The following ZNF235 variants were observed in gnomAD, a reference collection of about 807,000 sequenced individuals.
ZNF235 encodes the protein zinc finger protein 235, also known as zfp-93.
In ZNF235, 25 loss-of-function variants were observed where a neutral mutation model predicts 29.4. The observed-to-expected ratio is 0.85, with a 90% CI of 0.62 to 1.19. The LOEUF is 1.19. Ranked by LOEUF, ZNF235 falls within the 50% of genes most tolerant of loss-of-function variation. The probability of loss-of-function intolerance (pLI) is 0.00; values close to 1 mark genes in which losing one functional copy is unlikely to be tolerated. For synonymous variants in ZNF235, 300 were observed against 295.3 expected (o/e 1.02, Z -0.16); for missense variants, 788 against 885.0 (o/e 0.89, Z 1.39).
chr19:44,289,205 A>AAATTATCT lies in ZNF235; in HGVS notation c.239-10_239-9insAGATAATT. 1 of 1,602,914 alleles carries AAATTATCT rather than the reference A, an allele frequency of 6.2e-7. No individual in the cohort carries two copies. The highest frequency in any genetic ancestry group is 1.7e-5 in the Admixed American group (1 of 58,888). ...ATTTTGATTCCTGTCTCCTGAAAGG[A>AAATTATCT]TAGAGAGAATAAGGAATAAAGGACC... is the stretch of plus-strand genomic sequence containing the variant. On this transcript the variant is annotated splice_polypyrimidine_tract_variant and intron_variant, in intron 4 of 4. Transcript: ENST00000291182.
Position 44,304,989 on chromosome 19 carries a change from A to G in ZNF235, c.-67T>C. On this transcript the variant is annotated 5_prime_UTR_variant, in exon 1 of 5. Coordinates refer to ENST00000291182, the MANE Select transcript of ZNF235 (RefSeq NM_004234.4). ...GACTCACCTCCCTGGGAGATATCTC[A>G]GATCCGACCTCGCCTTCCTGGAGCG... 1 of 967,358 alleles carries G rather than the reference A, an allele frequency of 1.0e-6. No homozygotes were observed. Among genetic ancestry groups the G allele is most frequent in the Non-Finnish European group, 1.2e-6 (1 of 813,394 alleles). The allele number at this position is 967,358 out of a possible 1,614,324, so 59.9% of individuals were successfully genotyped here. A position where few individuals can be genotyped will look rare whatever the true frequency, so the allele number is the denominator to read the frequency against.
Position 44,289,076 on chromosome 19 carries a change from T to C in ZNF235, c.359A>G (p.Gln120Arg). Residue 120 changes from glutamine (Q) to arginine (R), a missense_variant, in exon 5 of 5, where the codon CAA becomes CGA. Coordinates refer to ENST00000291182, the MANE Select transcript of ZNF235 (RefSeq NM_004234.4). Reference sequence around the variant, plus strand: ...TCCTTCAATATTTATCATGGAGTCTTGACTTCTGGCTAATTTGCTCGCAAT... The same window carrying C: ...TCCTTCAATATTTATCATGGAGTCTCGACTTCTGGCTAATTTGCTCGCAAT... ...RHIASKLARS[Q>R]DSMINIEGKS... 6.2e-7 allele frequency: 1 copy of C among 1,614,136 alleles called. No homozygotes were observed. Among genetic ancestry groups the C allele is most frequent in the Non-Finnish European group, 8.5e-7 (1 of 1,179,992 alleles).
Position 44,287,873 on chromosome 19 carries a change from C to T in ZNF235, c.1562G>A (p.Gly521Glu). The change falls in exon 5 of 5, where the codon GGG becomes GAG. Residue 521 changes from glycine to glutamate, a missense_variant. Gly to Glu is a moderately conservative substitution (Grantham distance 98, BLOSUM62 -2). Transcript: ENST00000291182. ...GEKPFRCNVC[G>E]KGFSQSSYFQ... ...GTATGAACTCTGACTGAAGCCTTTC[C>T]CACACACGTTGCATCGAAATGGTTT... The T allele has an allele frequency of 6.2e-7, 1 of 1,613,958 alleles. No homozygotes were observed. Among genetic ancestry groups the T allele is most frequent in the South Asian group, 1.1e-5 (1 of 91,072 alleles).
intron 2 of ZNF235, among the ~76,000 whole-genome samples, chr19:44,302,162 G>A (rs1218407199): frequency 2.6e-5 from 4 of 152,142 alleles, no homozygotes; most frequent in Non-Finnish European, 4.4e-5. Context: ...AAAATGAGGT[G>A]CTGTGTATGA....
intron 4 of ZNF235, chr19:44,290,121 C>T (rs1401576255): frequency 1.3e-5 from 2 of 152,352 alleles, no homozygotes; most frequent in African/African-American, 2.4e-5. Context: ...GAGGGAGCAC[C>T]AGGCTTCCTT....
chr19:44,302,402 G>T (rs755847513), intron 2 of ZNF235, among the ~76,000 whole-genome samples: 1 of 152,088 alleles, frequency 6.6e-6, no homozygotes, highest in South Asian at 2.1e-4. Context: ...TAAAAAATTC[G>T]AAATTGTACC....
rs750166616 is a variant in ZNF235 at position 44,287,657 on chromosome 19, T to C, written c.1778A>G (p.His593Arg). Residue 593 changes from histidine (H) to arginine (R), a missense_variant, in exon 5 of 5, where the codon CAC (histidine) becomes CGC (arginine). His to Arg is a conservative substitution (Grantham distance 29). Transcript: ENST00000291182. The stretch of plus-strand genomic sequence containing the variant: ...ACACTTGAATGGTTTTTCCCCAGTG[T>C]GGACGCTCTGATGGGCTTGAAGATT... ...ASNLQAHQSV[H>R]TGEKPFKCDA... 6.2e-7 allele frequency: 1 copy of C among 1,613,984 alleles called. No homozygotes were observed.
chr19:44,289,312 T>C, intron 4 of ZNF235, 116 bp from the exon 5 acceptor site: 1 of 898,316 alleles, frequency 1.1e-6, no homozygotes, highest in Non-Finnish European at 1.6e-6. Context: ...ACAACTAGAC[T>C]GGCTGAAATA....
Position 44,299,691 on chromosome 19 carries a change from C to G in ZNF235, c.57G>C (p.Glu19Asp), listed in dbSNP as rs1306880027. The change falls in exon 3 of 5, where the codon GAG becomes GAC. Residue 19 changes from glutamate (E) to aspartate (D), a missense_variant. Physicochemically the swap from Glu to Asp is conservative, Grantham distance 45 (BLOSUM62 2). Transcript: ENST00000291182. ...TFKDVAVAFT[E>D]EELGLLDSAQ... ...CAGAGTCCAGCAGCCCCAGCTCCTC[C>G]TCAGTGAAGGCCACAGCCACATCCT... is the stretch of plus-strand genomic sequence containing the variant. 2 of 1,614,150 alleles carry G rather than the reference C, an allele frequency of 1.2e-6. No individual in the cohort carries two copies. The highest frequency in any genetic ancestry group is 3.3e-5 in the Admixed American group (2 of 60,024).
chr19:44,287,621 T>C lies in ZNF235; in HGVS notation c.1814A>G (p.Gln605Arg). The C allele has an allele frequency of 1.9e-6, 3 of 1,612,642 alleles. No individual in the cohort carries two copies. The change falls in exon 5 of 5, where the codon CAG becomes CGG. Residue 605 changes from glutamine to arginine, a missense_variant. Physicochemically the swap from Gln to Arg is conservative, Grantham distance 43. Transcript: ENST00000291182. ...GEKPFKCDAC[Q>R]KRFSQASHLQ... ...GTGTGAGGCCTGACTGAATCGCTTC[T>C]GACATGCATCACACTTGAATGGTTT...
At chr19:44,294,715 T>C (rs1975631002) in intron 4 of ZNF235, among the ~76,000 whole-genome samples, 1 of 149,352 alleles carries the variant, frequency 6.7e-6, no homozygotes, top group Non-Finnish European at 1.5e-5. Context: ...CCAAATCTAA[T>C]AGCACATCAA....
At position 44,298,645 on chromosome 19, in the gene ZNF235, C is replaced by A. The variant is rs77806709; in HGVS notation, c.238+163G>T. Among the ~76,000 whole-genome samples the A allele has an allele frequency of 4.7e-3, 710 of 152,308 alleles. 1 individual carries two copies. Among genetic ancestry groups the A allele is most frequent in the Non-Finnish European group, 6.8e-3 (462 of 68,022 alleles). On this transcript the variant is annotated intron_variant, in intron 4 of 4. Transcript: ENST00000291182. Reference sequence around the variant, plus strand: ...CTCCTGACCTCAAGTGATCCACCTGCCAGGCCTCCCAAAGTGCTGGGATTA... The same window carrying A: ...CTCCTGACCTCAAGTGATCCACCTGACAGGCCTCCCAAAGTGCTGGGATTA...
rs559740319 is a variant in ZNF235 at position 44,303,124 on chromosome 19, CAT to C, written c.15+264_15+265del. Among the ~76,000 whole-genome samples the C allele has an allele frequency of 6.0e-4, 83 of 139,124 alleles. 1 individual carries two copies. The highest frequency in any genetic ancestry group is 4.4e-3 in the Middle Eastern group (1 of 226). The allele number at this position is 139,124 out of a possible 152,430, so 91.3% of individuals were successfully genotyped here. The stretch of plus-strand genomic sequence containing the variant: ...TACGTATATTTCTTATAAATATATA[CAT>C]ATATATTTGTATATAAATATAAAAT... On this transcript the variant is annotated intron_variant, in intron 2 of 4. Coordinates refer to ENST00000291182, the MANE Select transcript of ZNF235 (RefSeq NM_004234.4).
chr19:44,304,211 C>T (rs1430776443), intron 1 of ZNF235, among the ~76,000 whole-genome samples: 1 of 152,060 alleles, frequency 6.6e-6, no homozygotes, highest in Non-Finnish European at 1.5e-5. Flanking sequence ...TAATAAAAAC[C>T]TAAAACTCTC....
At chr19:44,291,482 T>C (rs1975583647) in intron 4 of ZNF235, among the ~76,000 whole-genome samples, 1 of 152,144 alleles carries the variant, frequency 6.6e-6, no homozygotes. Flanking sequence ...AACAAATAGC[T>C]AGTTCTTTGG....
Position 44,286,880 on chromosome 19 carries a change from G to C in ZNF235, c.*338C>G, listed in dbSNP as rs976095596. The C allele has an allele frequency of 9.7e-6, 2 of 206,852 alleles. No homozygotes were observed. The highest frequency in any genetic ancestry group is 1.9e-5 in the Non-Finnish European group (2 of 103,062). 12.8% of individuals were successfully genotyped at this position (206,852 alleles called of 1,614,324 possible). On this transcript the variant is annotated 3_prime_UTR_variant, in exon 5 of 5. Transcript: ENST00000291182. ...ATTTTAGTTGACATCCATTTTTTCT[G>C]TCAATCATACTTTTGTTAAAGGAAG...
intron 4 of ZNF235, 37 bp from the exon 5 acceptor site, chr19:44,289,233 G>A (rs1323342844): frequency 1.9e-6 from 3 of 1,542,824 alleles, no homozygotes; most frequent in Non-Finnish European, 2.6e-6. Context: ...AAAGGACCAA[G>A]AGACTGACAT....
intron 4 of ZNF235, among the ~76,000 whole-genome samples, chr19:44,298,427 C>T (rs955929964): frequency 2.0e-5 from 3 of 151,264 alleles, no homozygotes; most frequent in Non-Finnish European, 4.4e-5. Flanking sequence ...GACAGAGTCT[C>T]GCTCTATCAC....
intron 4 of ZNF235, chr19:44,289,617 T>C (rs1975558283): frequency 1.3e-5 from 2 of 154,726 alleles, no homozygotes; most frequent in Admixed American, 1.3e-4. Context: ...CTGGATTTTA[T>C]TTGCCTCTCG....
Sources: allele counts gnomAD v4.1 joint callset (sites outside exome capture counted in the v4.1 genomes callset), GRCh38; gene constraint gnomAD v4.1.1; transcripts MANE v1.5; gene names NCBI Gene and HGNC (gene_info 2026-07-23, HGNC 2026-07-21).